The following OMA1 variants were observed in gnomAD, a reference collection of about 807,000 sequenced individuals.
The protein encoded by OMA1 is OMA1 zinc metallopeptidase, also known as metalloendopeptidase OMA1, mitochondrial.
A neutral mutation model predicts 30.9 loss-of-function variants in OMA1; 38 were observed. The observed-to-expected ratio is 1.23, with a 90% CI of 0.95 to 1.61. The LOEUF (loss-of-function observed/expected upper bound fraction) is 1.61. Ranked by LOEUF, OMA1 falls within the 40% of genes most tolerant of loss-of-function variation. The pLI, the probability that OMA1 is intolerant of heterozygous loss-of-function variation, is 0.00. For missense variants in OMA1, 461 were observed against 349.2 expected, an observed-to-expected ratio of 1.32 and a Z score of -2.55; for synonymous variants, 173 against 121.9, an observed-to-expected ratio of 1.42 and a Z score of -2.76.
intron 7 of OMA1, among the ~76,000 whole-genome samples, chr1:58,511,320 C>T (rs1337088618): frequency 1.3e-5 from 2 of 152,092 alleles, no homozygotes; most frequent in Non-Finnish European, 2.9e-5. Flanking sequence ...ATTAAGCCCA[C>T]ACAAATACAG....
At chr1:58,510,946 T>TA (rs1052119399) in intron 7 of OMA1, among the ~76,000 whole-genome samples, 27 of 150,992 alleles carry the variant, frequency 1.8e-4, no homozygotes, top group African/African-American at 4.6e-4. Flanking sequence ...AAAAAGTATC[T>TA]AAAAAAAAAC....
chr1:58,487,479 A>C (rs921834990), intron 8 of OMA1, among the ~76,000 whole-genome samples: 5 of 152,202 alleles, frequency 3.3e-5, no homozygotes, highest in Admixed American at 3.3e-4. Flanking sequence ...ATGCTTGTAA[A>C]ATGAATCAGA....
intron 8 of OMA1, among the ~76,000 whole-genome samples, chr1:58,486,722 G>A (rs996908010): frequency 1.3e-5 from 2 of 152,170 alleles, no homozygotes; most frequent in African/African-American, 2.4e-5. Context: ...GAAGGGAAGC[G>A]ATTTAAGATT....
chr1:58,542,320 T>C lies in OMA1; in HGVS notation c.-16-3010A>G, dbSNP rs548681935. ...CTAGAAGTCATTTCACAATTCATAC[T>C]GGAGTAGCTAGTAAGGTTTTCATTG... On this transcript the variant is annotated intron_variant, in intron 1 of 8. Transcript: ENST00000371226. 2.8e-4 allele frequency among the ~76,000 whole-genome samples: 43 copies of C among 152,336 alleles called. No individual in the cohort carries two copies. In the South Asian group the frequency reaches 8.9e-3, roughly 32 times the overall value.
chr1:58,534,578 CT>C (rs1013993243), intron 3 of OMA1, among the ~76,000 whole-genome samples: 6 of 152,164 alleles, frequency 3.9e-5, no homozygotes, highest in Non-Finnish European at 8.8e-5. Flanking sequence ...AAATTTCATT[CT>C]TTTCGATTAA....
At chr1:58,515,407 A>G (rs147579961) in intron 7 of OMA1, among the ~76,000 whole-genome samples, 187 of 152,284 alleles carry the variant, frequency 1.2e-3, no homozygotes, top group African/African-American at 4.3e-3. Flanking sequence ...TCATTTCACC[A>G]ATCAATATAA....
At chr1:58,491,017 C>T (rs1645678118) in intron 8 of OMA1, among the ~76,000 whole-genome samples, 1 of 151,626 alleles carries the variant, frequency 6.6e-6, no homozygotes, top group African/African-American at 2.4e-5. Context: ...CCATGTTAGC[C>T]AGGATGGTCT....
intron 2 of OMA1, among the ~76,000 whole-genome samples, chr1:58,537,540 ACT>A (rs1232950667): frequency 1.3e-5 from 2 of 148,364 alleles, no homozygotes; most frequent in East Asian, 2.0e-4. Flanking sequence ...AGGCAACAAT[ACT>A]CTCTGCCACT....
chr1:58,481,208 A>C (rs752050485), intron 8 of OMA1, 34 bp from the exon 9 acceptor site: 8 of 695,466 alleles, frequency 1.2e-5, no homozygotes, highest in Non-Finnish European at 1.5e-5. Flanking sequence ...AAAATACTAT[A>C]TATATACATC....
chr1:58,510,326 A>G (rs569716758), intron 7 of OMA1, among the ~76,000 whole-genome samples: 1 of 152,312 alleles, frequency 6.6e-6, no homozygotes, highest in Admixed American at 6.5e-5. Flanking sequence ...ATGGTTCAAC[A>G]CACAAAAATC....
chr1:58,505,602 T>G (rs139236107), intron 8 of OMA1, among the ~76,000 whole-genome samples: 194 of 152,122 alleles, frequency 1.3e-3, no homozygotes, highest in African/African-American at 4.5e-3. Context: ...GAAACAAACA[T>G]GAAGATTTTT....
At position 58,539,080 on chromosome 1, in the gene OMA1, C is replaced by G. The variant is rs775179746; in HGVS notation, c.215G>C (p.Ser72Thr). The G allele has an allele frequency of 1.0e-5, 9 of 872,762 alleles. No individual in the cohort carries two copies. Among genetic ancestry groups the G allele is most frequent in the South Asian group, 9.1e-5 (7 of 76,546 alleles). The allele number at this position is 872,762 out of a possible 1,614,324, so 54.1% of individuals were successfully genotyped here. A position where few individuals can be genotyped will look rare whatever the true frequency, so the allele number is the denominator to read the frequency against. ...SFLPGNFHFY[S>T]TFNNKRTGGL... ...TCCTGTTCTTTTGTTGTTAAAAGTACTATAAAAATGAAAGTTTCCAGGCAG... is the reference window on the plus strand; with the variant it reads ...TCCTGTTCTTTTGTTGTTAAAAGTAGTATAAAAATGAAAGTTTCCAGGCAG... The change falls in exon 2 of 9, where the codon AGT becomes ACT. Residue 72 changes from serine to threonine, a missense_variant. Physicochemically the swap from Ser to Thr is moderately conservative, Grantham distance 58. Transcript: ENST00000371226.
intron 7 of OMA1, among the ~76,000 whole-genome samples, chr1:58,508,254 A>G (rs1569914647): frequency 6.6e-6 from 1 of 152,204 alleles, no homozygotes; most frequent in East Asian, 1.9e-4. Flanking sequence ...AAGAGCCACT[A>G]AAGTCAGATA....
chr1:58,488,919 C>A (rs1052915743), intron 8 of OMA1, among the ~76,000 whole-genome samples: 4 of 152,248 alleles, frequency 2.6e-5, no homozygotes, highest in Admixed American at 2.6e-4. Flanking sequence ...GTTTTATGAT[C>A]AATATTTTCA....
At chr1:58,526,264 C>T (rs1646348405) in intron 7 of OMA1, among the ~76,000 whole-genome samples, 2 of 152,014 alleles carry the variant, frequency 1.3e-5, no homozygotes, top group Non-Finnish European at 2.9e-5. Flanking sequence ...ATTTATTTAA[C>T]ATTCAAAGAA....
chr1:58,522,144 T>C (rs1211568393), intron 7 of OMA1, among the ~76,000 whole-genome samples: 3 of 152,166 alleles, frequency 2.0e-5, no homozygotes, highest in Non-Finnish European at 4.4e-5. Flanking sequence ...AGAAAAATCA[T>C]ATAATCATCT....
chr1:58,480,749 C>T lies in OMA1; in HGVS notation c.*216G>A, dbSNP rs1004714719. On this transcript the variant is annotated 3_prime_UTR_variant, in exon 9 of 9. Coordinates refer to ENST00000371226, the MANE Select transcript of OMA1 (RefSeq NM_145243.5). ...TGTGTAATATAAATTTATTCTGTGA[C>T]ATTTTCCTCATTGAAGATATTTTAA... 5.2e-6 allele frequency: 2 copies of T among 385,496 alleles called. No homozygotes were observed. The highest frequency in any genetic ancestry group is 4.5e-5 in the Admixed American group (1 of 22,126). 23.9% of individuals were successfully genotyped at this position (385,496 alleles called of 1,614,324 possible).
At chr1:58,520,372 A>T (rs2100450622) in intron 7 of OMA1, among the ~76,000 whole-genome samples, 1 of 152,354 alleles carries the variant, frequency 6.6e-6, no homozygotes, top group Non-Finnish European at 1.5e-5. Context: ...CAAGAATAAG[A>T]ACACAAACTT....
chr1:58,486,508 G>A (rs931568871), intron 8 of OMA1, among the ~76,000 whole-genome samples: 4 of 152,018 alleles, frequency 2.6e-5, no homozygotes, highest in Non-Finnish European at 5.9e-5. Flanking sequence ...CTATTATATT[G>A]CTTATCCTGC....
Sources: allele counts gnomAD v4.1 joint callset (sites outside exome capture counted in the v4.1 genomes callset), GRCh38; gene constraint gnomAD v4.1.1; transcripts MANE v1.5; gene names NCBI Gene and HGNC (gene_info 2026-07-23, HGNC 2026-07-21).